The following SLC22A23 variants were observed in gnomAD, a reference collection of about 807,000 sequenced individuals.
The protein encoded by SLC22A23 is solute carrier family 22 member 23.
A neutral mutation model predicts 61.0 loss-of-function variants in SLC22A23; 26 were observed. That is an observed-to-expected ratio of 0.43 (90% CI 0.31 to 0.59). The LOEUF (loss-of-function observed/expected upper bound fraction) is 0.59, where lower values mean the gene tolerates loss of function less well. SLC22A23 is among the 20% of genes least tolerant of loss of function. SLC22A23 has a pLI of 0.11. For synonymous variants in SLC22A23, 430 were observed against 413.9 expected, an observed-to-expected ratio of 1.04 and a Z score of -0.47; for missense variants, 796 against 934.7, an observed-to-expected ratio of 0.85 and a Z score of 1.94.
chr6:3,291,346 A>G (rs933677820), intron 5 of SLC22A23: 1 of 152,230 alleles, frequency 6.6e-6, no homozygotes, highest in Non-Finnish European at 1.5e-5. Context: ...GTTTGAAGAA[A>G]AAATGTGTTG....
At chr6:3,300,130 C>A (rs1761487735) in intron 4 of SLC22A23, among the ~76,000 whole-genome samples, 1 of 150,398 alleles carries the variant, frequency 6.6e-6, no homozygotes, top group Non-Finnish European at 1.5e-5. Context: ...CCTGCCTCAG[C>A]CTCCCTAGTA....
chr6:3,273,276 A>AGAT lies in SLC22A23; in HGVS notation c.1837_1839dup (p.Ile613dup). 2 of 1,613,770 alleles carry AGAT rather than the reference A, an allele frequency of 1.2e-6. No homozygotes were observed. The highest frequency in any genetic ancestry group is 1.7e-6 in the Non-Finnish European group (2 of 1,179,708). ...CTGCTCTCGGGCAGCAGGAGGATGC[A>AGAT]GATGATGCAGATGAGCGTGCAGCAG... On this transcript the variant is annotated inframe_insertion, in exon 10 of 10. Transcript: ENST00000406686.
chr6:3,296,450 C>T (rs1761103827), intron 5 of SLC22A23, among the ~76,000 whole-genome samples: 1 of 152,184 alleles, frequency 6.6e-6, no homozygotes, highest in Admixed American at 6.5e-5. Flanking sequence ...AATTATAGTG[C>T]CTCTCTCATA....
chr6:3,336,352 A>T (rs1763859654), intron 3 of SLC22A23, among the ~76,000 whole-genome samples: 1 of 152,202 alleles, frequency 6.6e-6, no homozygotes, highest in Non-Finnish European at 1.5e-5. Flanking sequence ...TTTTGCTACC[A>T]AAGAGTTCTT....
In SLC22A23 at chr6:3,333,351, C is replaced by A. The variant is rs1763681006; in HGVS notation, c.914-9349G>T. On this transcript the variant is annotated intron_variant, in intron 3 of 9. Transcript: ENST00000406686. The surrounding 1 kb of genome is among the most constrained non-coding windows in gnomAD (Gnocchi z 4.1). ...CTGGGTGATAGCTAATTTCACACCA[C>A]ACGTGCCCCTCCAAGGGCTCCTGTT... Among the ~76,000 whole-genome samples, 1 of 152,198 alleles carries A rather than the reference C, an allele frequency of 6.6e-6. No homozygotes were observed. Among genetic ancestry groups the A allele is most frequent in the African/African-American group, 2.4e-5 (1 of 41,438 alleles).
In SLC22A23 at chr6:3,456,633, G is replaced by T; in HGVS notation, c.-74C>A. ...TCCGCGGGCGCCCCGGGCACAGCGC[G>T]CCGGGCCAGGCGCCTGCAGCCGCTG... On this transcript the variant is annotated 5_prime_UTR_variant, in exon 1 of 10. Transcript: ENST00000406686. This position sits in a 1 kb window ranked among gnomAD's most constrained non-coding sequence, Gnocchi z 7.1. 1 of 918,184 alleles carries T rather than the reference G, an allele frequency of 1.1e-6. No individual in the cohort carries two copies. Among genetic ancestry groups the T allele is most frequent in the Non-Finnish European group, 1.3e-6 (1 of 771,466 alleles). The allele number at this position is 918,184 out of a possible 1,614,324, so 56.9% of individuals were successfully genotyped here. A position where few individuals can be genotyped will look rare whatever the true frequency, so the allele number is the denominator to read the frequency against.
intron 1 of SLC22A23, among the ~76,000 whole-genome samples, chr6:3,453,232 A>C (rs776023977): frequency 3.3e-5 from 5 of 152,194 alleles, no homozygotes; most frequent in Non-Finnish European, 5.9e-5. Flanking sequence ...AACACATTTT[A>C]TTTAAGAAAT....
At chr6:3,453,166 A>T (rs1772235049) in intron 1 of SLC22A23, among the ~76,000 whole-genome samples, 1 of 152,226 alleles carries the variant, frequency 6.6e-6, no homozygotes, top group African/African-American at 2.4e-5. Context: ...AAATTTTTGC[A>T]CGTATGGAAT....
intron 1 of SLC22A23, among the ~76,000 whole-genome samples, chr6:3,447,435 TG>T (rs1039530312): frequency 6.6e-6 from 1 of 152,228 alleles, no homozygotes; most frequent in Non-Finnish European, 1.5e-5. Flanking sequence ...TTGATCAGTT[TG>T]GGTGTGCCTT....
chr6:3,438,384 A>G, intron 1 of SLC22A23: 1 of 386,572 alleles, frequency 2.6e-6, no homozygotes, highest in South Asian at 2.0e-5. Flanking sequence ...CACAGGTAGC[A>G]GATGTTTCAC....
chr6:3,396,879 C>T (rs1768042598), intron 3 of SLC22A23, among the ~76,000 whole-genome samples: 1 of 152,056 alleles, frequency 6.6e-6, no homozygotes, highest in African/African-American at 2.4e-5. Context: ...CAGGTTGATC[C>T]GATTCTTCTG....
At chr6:3,282,808 G>A (rs1447319447) in intron 9 of SLC22A23, among the ~76,000 whole-genome samples, 1 of 152,170 alleles carries the variant, frequency 6.6e-6, no homozygotes, top group African/African-American at 2.4e-5. Flanking sequence ...GTGGAGGCGT[G>A]CCTTTTTATT....
At chr6:3,363,269 C>A (rs1340352042) in intron 3 of SLC22A23, among the ~76,000 whole-genome samples, 1 of 152,254 alleles carries the variant, frequency 6.6e-6, no homozygotes. Context: ...CCAGGCGCAG[C>A]AGCAATGGGT....
chr6:3,287,682 T>TTG (rs66530038), intron 6 of SLC22A23, among the ~76,000 whole-genome samples: 8,503 of 150,618 alleles, frequency 0.056, 561 homozygotes, highest in African/African-American at 0.16. Context: ...ACTGTTTTTT[T>TTG]TTTTGTTTTG....
intron 3 of SLC22A23, among the ~76,000 whole-genome samples, chr6:3,347,149 T>C (rs1295528886): frequency 6.6e-6 from 1 of 152,218 alleles, no homozygotes; most frequent in Non-Finnish European, 1.5e-5. Context: ...TGATGTCCTG[T>C]GAGTGCCCGA....
chr6:3,279,297 G>A (rs1356495278), intron 9 of SLC22A23, among the ~76,000 whole-genome samples: 7 of 151,646 alleles, frequency 4.6e-5, no homozygotes, highest in Admixed American at 4.6e-4. Flanking sequence ...CAGATCACGA[G>A]GTCAGGAGAT....
chr6:3,303,484 TG>T (rs1293706866), intron 4 of SLC22A23: 2 of 152,184 alleles, frequency 1.3e-5, no homozygotes, highest in Non-Finnish European at 2.9e-5. Flanking sequence ...AAAGAAAATG[TG>T]GTATATATAC....
chr6:3,362,781 G>A (rs1297521443), intron 3 of SLC22A23, among the ~76,000 whole-genome samples: 11 of 152,108 alleles, frequency 7.2e-5, no homozygotes, highest in Non-Finnish European at 1.5e-4. Context: ...AGACCTCCAG[G>A]ACCCAGGAGA....
chr6:3,369,488 C>T (rs569009467), intron 3 of SLC22A23, among the ~76,000 whole-genome samples: 5 of 152,048 alleles, frequency 3.3e-5, no homozygotes, highest in East Asian at 3.8e-4. Flanking sequence ...CTGAAGAGTT[C>T]GAGACCAGCC....
Sources: allele counts gnomAD v4.1 joint callset (sites outside exome capture counted in the v4.1 genomes callset), GRCh38; gene constraint gnomAD v4.1.1; non-coding constraint Gnocchi (gnomAD v3.1); transcripts MANE v1.5; gene names NCBI Gene and HGNC (gene_info 2026-07-23, HGNC 2026-07-21).